Variants in PTPRD observed in about 807,000 individuals in gnomAD.
PTPRD encodes the protein receptor-type tyrosine-protein phosphatase delta.
In PTPRD, 34 loss-of-function variants were observed where a neutral mutation model predicts 214.5. The ratio of observed to expected loss-of-function variants is 0.16; its 90% CI spans 0.12 to 0.21. The LOEUF (loss-of-function observed/expected upper bound fraction) is 0.21, where lower values mean the gene tolerates loss of function less well. Among genes scored for constraint, PTPRD ranks in the 10% least tolerant of loss-of-function variants. The pLI, the probability that PTPRD is intolerant of heterozygous loss-of-function variation, is 1.00. For synonymous variants in PTPRD, 1,128 were observed against 845.7 expected (o/e 1.33, Z -5.79); for missense variants, 2,545 against 2,398.7 (o/e 1.06, Z -1.27).
At chr9:8,683,058 G>C (rs2097581301) in intron 12 of PTPRD, among the ~76,000 whole-genome samples, 1 of 152,060 alleles carries the variant, frequency 6.6e-6, no homozygotes, top group African/African-American at 2.4e-5. Context: ...TGCCTTAATA[G>C]GTCCACATGA....
intron 5 of PTPRD, among the ~76,000 whole-genome samples, chr9:9,853,234 A>G (rs2060885262): frequency 6.6e-6 from 1 of 152,258 alleles, no homozygotes; most frequent in Non-Finnish European, 1.5e-5. Context: ...TATAAGCAGC[A>G]TAGGAGCTAT....
chr9:10,239,030 A>AG (rs1489037065), intron 3 of PTPRD, among the ~76,000 whole-genome samples: 3 of 151,938 alleles, frequency 2.0e-5, no homozygotes, highest in Admixed American at 6.6e-5. Context: ...TTGGGCAACA[A>AG]GGGGAAAAAG....
chr9:10,503,186 T>A (rs898131506), intron 2 of PTPRD, among the ~76,000 whole-genome samples: 20 of 12,002 alleles, frequency 1.7e-3, no homozygotes, highest in African/African-American at 4.6e-3. Flanking sequence ...GAGACACAGC[T>A]GCAATACAAA....
chr9:9,713,370 T>G (rs529574171), intron 7 of PTPRD, among the ~76,000 whole-genome samples: 2 of 152,268 alleles, frequency 1.3e-5, no homozygotes, highest in African/African-American at 4.8e-5. Flanking sequence ...AAAATGTCAC[T>G]CGTCCTCTTA....
chr9:8,862,913 C>T lies in PTPRD; in HGVS notation c.-103-128967G>A, dbSNP rs548466494. On this transcript the variant is annotated intron_variant, in intron 11 of 45. Coordinates refer to ENST00000381196, the MANE Select transcript of PTPRD (RefSeq NM_002839.4). Reference sequence around the variant, plus strand: ...GAAGGGGAACATCACACTCTGGGGACGGTTGTGGGGTGGTGGGGGGGAGGG... The same window carrying T: ...GAAGGGGAACATCACACTCTGGGGATGGTTGTGGGGTGGTGGGGGGGAGGG... 6.1e-4 allele frequency among the ~76,000 whole-genome samples: 81 copies of T among 133,294 alleles called. 1 individual carries two copies. The highest frequency in any genetic ancestry group is 2.1e-3 in the African/African-American group (76 of 36,590). 87.4% of individuals were successfully genotyped at this position (133,294 alleles called of 152,430 possible).
intron 9 of PTPRD, among the ~76,000 whole-genome samples, chr9:9,352,018 G>T (rs549280925): frequency 6.6e-6 from 1 of 151,796 alleles, no homozygotes; most frequent in East Asian, 2.0e-4. Context: ...ATATTGTTCA[G>T]GCTGGTCCCA....
At chr9:9,317,515 G>A (rs1168503372) in intron 9 of PTPRD, among the ~76,000 whole-genome samples, 2 of 151,874 alleles carry the variant, frequency 1.3e-5, no homozygotes, top group East Asian at 2.0e-4. Flanking sequence ...CCTCCTAAAC[G>A]TCACATCTGC....
chr9:8,844,465 G>C (rs1053460245), intron 11 of PTPRD, among the ~76,000 whole-genome samples: 1 of 151,802 alleles, frequency 6.6e-6, no homozygotes, highest in African/African-American at 2.4e-5. Flanking sequence ...TGAGCAGTTT[G>C]GTATACTTTT....
chr9:9,905,619 TA>T (rs34547353), intron 5 of PTPRD, among the ~76,000 whole-genome samples: 5,018 of 152,032 alleles, frequency 0.033, 270 homozygotes, highest in African/African-American at 0.11. Context: ...CAGAAATTTT[TA>T]CAAATGACAT....
chr9:9,027,309 T>C (rs941313381), intron 10 of PTPRD, among the ~76,000 whole-genome samples: 10 of 152,014 alleles, frequency 6.6e-5, no homozygotes, highest in African/African-American at 2.4e-4. Flanking sequence ...ATACAATGTA[T>C]ATATCTGCAT....
chr9:10,145,956 T>C (rs1180037852), intron 3 of PTPRD, among the ~76,000 whole-genome samples: 1 of 140,912 alleles, frequency 7.1e-6, no homozygotes, highest in African/African-American at 3.2e-5. Context: ...TATAAACAGT[T>C]AATTAAGATA....
intron 4 of PTPRD, among the ~76,000 whole-genome samples, chr9:9,977,890 A>C (rs745926890): frequency 2.7e-4 from 41 of 151,734 alleles, no homozygotes; most frequent in Non-Finnish European, 3.5e-4. Context: ...CTTCTGACAT[A>C]ATATGGCATT....
chr9:10,228,298 C>A (rs2154354022), intron 3 of PTPRD, among the ~76,000 whole-genome samples: 1 of 152,068 alleles, frequency 6.6e-6, no homozygotes, highest in Non-Finnish European at 1.5e-5. Context: ...AGTTTGTTTT[C>A]ACATTTTGTT....
At chr9:8,428,669 A>C (rs753941951) in intron 35 of PTPRD, among the ~76,000 whole-genome samples, 6 of 152,062 alleles carry the variant, frequency 3.9e-5, no homozygotes, top group Non-Finnish European at 8.8e-5. Flanking sequence ...TTGGCCAAAA[A>C]AAATTGTGTG....
intron 8 of PTPRD, among the ~76,000 whole-genome samples, chr9:9,519,381 G>A (rs1271680162): frequency 6.6e-6 from 1 of 151,622 alleles, no homozygotes; most frequent in Non-Finnish European, 1.5e-5. Context: ...AAACCAGAGA[G>A]AGAAAGAATC....
chr9:9,054,571 G>A (rs2099692743), intron 10 of PTPRD, among the ~76,000 whole-genome samples: 1 of 152,126 alleles, frequency 6.6e-6, no homozygotes, highest in South Asian at 2.1e-4. Flanking sequence ...ACCACACAAG[G>A]CCAAGGGTGT....
intron 36 of PTPRD, among the ~76,000 whole-genome samples, chr9:8,398,530 G>A (rs2129697160): frequency 6.6e-6 from 1 of 152,294 alleles, no homozygotes; most frequent in Middle Eastern, 3.4e-3. Context: ...ATCAGAATGT[G>A]TTCCCGTAAA....
chr9:8,432,716 T>C (rs2095135373), intron 35 of PTPRD, among the ~76,000 whole-genome samples: 1 of 152,214 alleles, frequency 6.6e-6, no homozygotes. Flanking sequence ...TGAGCCTAAA[T>C]TTTTATGTTG....
intron 2 of PTPRD, among the ~76,000 whole-genome samples, chr9:10,550,343 T>C (rs991268884): frequency 6.6e-6 from 1 of 152,206 alleles, no homozygotes; most frequent in Non-Finnish European, 1.5e-5. Context: ...TTTTGCGTGA[T>C]GCTGAGGTGT....
Sources: allele counts gnomAD v4.1 joint callset (sites outside exome capture counted in the v4.1 genomes callset), GRCh38; gene constraint gnomAD v4.1.1; transcripts MANE v1.5; gene names NCBI Gene and HGNC (gene_info 2026-07-23, HGNC 2026-07-21).